The following TECR variants were observed in gnomAD, a reference collection of about 807,000 sequenced individuals.
TECR encodes trans-2,3-enoyl-CoA reductase, also known as very-long-chain enoyl-CoA reductase.
TECR carries 19 observed loss-of-function variants against 50.6 expected under a neutral mutation model. The observed-to-expected ratio is 0.38, with a 90% CI of 0.26 to 0.55. The LOEUF (loss-of-function observed/expected upper bound fraction) is 0.55. TECR is among the 20% of genes least tolerant of loss of function. The pLI, the probability that TECR is intolerant of heterozygous loss-of-function variation, is 0.79. For missense variants in TECR, 313 were observed against 408.3 expected, an observed-to-expected ratio of 0.77 and a Z score of 2.01; for synonymous variants, 168 against 163.5, an observed-to-expected ratio of 1.03 and a Z score of -0.21.
intron 1 of TECR, among the ~76,000 whole-genome samples, chr19:14,535,723 T>G: frequency 7.9e-6 from 1 of 126,970 alleles, no homozygotes. Flanking sequence ...ACCACTGCAT[T>G]CCGGTCCTGG....
chr19:14,545,566 G>C (rs777511492), intron 1 of TECR, among the ~76,000 whole-genome samples: 1 of 152,172 alleles, frequency 6.6e-6, no homozygotes, highest in Non-Finnish European at 1.5e-5. Context: ...CCCTTGGATC[G>C]CTGCCCGCAC....
At chr19:14,529,975 T>C in intron 1 of TECR, 3 of 563,114 alleles carry the variant, frequency 5.3e-6, no homozygotes, top group South Asian at 2.0e-5. Flanking sequence ...CGCTTGCAGG[T>C]TCCTTGCAGC....
intron 1 of TECR, among the ~76,000 whole-genome samples, chr19:14,535,558 A>ATATATATATATG (rs2072856548): frequency 5.9e-5 from 1 of 17,092 alleles, no homozygotes; most frequent in Admixed American, 8.3e-4. Flanking sequence ...ATATATATAT[A>ATATATATATATG]TATATATATA....
intron 1 of TECR, among the ~76,000 whole-genome samples, chr19:14,558,637 C>A (rs904787516): frequency 3.9e-5 from 6 of 152,198 alleles, no homozygotes; most frequent in African/African-American, 1.4e-4. Flanking sequence ...CCTGCCCTCT[C>A]CCTGCCCGTC....
chr19:14,542,347 G>GGGTTTT (rs2073124658), intron 1 of TECR, among the ~76,000 whole-genome samples: 3 of 43,282 alleles, frequency 6.9e-5, no homozygotes, highest in African/African-American at 2.4e-4. Context: ...ATGCCATAGT[G>GGGTTTT]TTTTTTTTTT....
At position 14,564,303 on chromosome 19, in the gene TECR, CGCCTCACCCCTAAGCCCCGCCTTTCT is replaced by C. The variant is rs767283814; in HGVS notation, c.489+20_489+45del. 3.8e-6 allele frequency: 6 copies of C among 1,587,544 alleles called. No homozygotes were observed. The highest frequency in any genetic ancestry group is 5.1e-6 in the Non-Finnish European group (6 of 1,169,374). On this transcript the variant is annotated intron_variant, in intron 7 of 12. Transcript: ENST00000215567. Reference sequence around the variant, plus strand: ...CATCTTCAAGGTGAGAGCCCGTCCCCGCCTCACCCCTAAGCCCCGCCTTTCTGCCCCACCCCGCCCCGCCCCCACCG... The same window carrying C: ...CATCTTCAAGGTGAGAGCCCGTCCCCGCCCCACCCCGCCCCGCCCCCACCG...
chr19:14,533,837 G>A (rs2146552876), intron 1 of TECR: 1 of 152,294 alleles, frequency 6.6e-6, no homozygotes, highest in Non-Finnish European at 1.5e-5. Context: ...GCATTGTCTT[G>A]GGGTCAGAGC....
intron 1 of TECR, among the ~76,000 whole-genome samples, chr19:14,536,165 G>A (rs1196427508): frequency 1.3e-5 from 2 of 152,142 alleles, no homozygotes; most frequent in Non-Finnish European, 1.5e-5. Context: ...TCCTGGGAAG[G>A]TGGCAATGCT....
intron 1 of TECR, among the ~76,000 whole-genome samples, chr19:14,558,908 G>A (rs994139687): frequency 6.6e-6 from 1 of 152,246 alleles, no homozygotes. Context: ...CTGTTCAGCA[G>A]CTGCCTGTAC....
chr19:14,533,732 C>T (rs2072759031), intron 1 of TECR, among the ~76,000 whole-genome samples: 1 of 152,140 alleles, frequency 6.6e-6, no homozygotes, highest in Admixed American at 6.5e-5. Flanking sequence ...AAGTTTTCCA[C>T]TCTGTGGCCT....
At chr19:14,562,432 A>C in intron 1 of TECR, 93 bp from the exon 2 acceptor site, 1 of 1,438,096 alleles carries the variant, frequency 7.0e-7, no homozygotes, top group Non-Finnish European at 9.8e-7. Context: ...CCGGGAGGCC[A>C]CCCCAGGCCT....
chr19:14,551,110 C>T (rs1287130622), intron 1 of TECR, among the ~76,000 whole-genome samples: 4 of 151,380 alleles, frequency 2.6e-5, no homozygotes, highest in African/African-American at 9.7e-5. Flanking sequence ...CTTGCTTTGT[C>T]ACCCAGGCTG....
At chr19:14,545,553 C>T (rs1034635903) in intron 1 of TECR, among the ~76,000 whole-genome samples, 9 of 152,192 alleles carry the variant, frequency 5.9e-5, no homozygotes, top group Non-Finnish European at 1.0e-4. Flanking sequence ...TGTCATATCC[C>T]GGCCCTTGGA....
chr19:14,545,508 G>T (rs565050085), intron 1 of TECR, among the ~76,000 whole-genome samples: 1 of 152,280 alleles, frequency 6.6e-6, no homozygotes, highest in East Asian at 1.9e-4. Flanking sequence ...CAAGCCTAGG[G>T]GGTGGGGGGG....
chr19:14,529,404 C>G (rs1004286863), upstream of TECR: 4 of 582,346 alleles, frequency 6.9e-6, no homozygotes, highest in East Asian at 2.9e-5. Flanking sequence ...AGCCCCTTCT[C>G]TTTAGCCCCT....
At chr19:14,529,915 C>G (rs1470362373) in intron 1 of TECR, 2 of 737,188 alleles carry the variant, frequency 2.7e-6, no homozygotes, top group South Asian at 3.5e-5. Flanking sequence ...ATCTGCAACC[C>G]AGGCTGTTTT....
At chr19:14,551,852 C>G (rs1450924224) in intron 1 of TECR, among the ~76,000 whole-genome samples, 1 of 150,654 alleles carries the variant, frequency 6.6e-6, no homozygotes, top group Non-Finnish European at 1.5e-5. Context: ...TTGGTTTTAC[C>G]CTTATTTCTT....
intron 1 of TECR, among the ~76,000 whole-genome samples, chr19:14,557,979 TCTC>T (rs1179583454): frequency 6.6e-6 from 1 of 151,726 alleles, no homozygotes; most frequent in Non-Finnish European, 1.5e-5. Context: ...ATGGTCTCGA[TCTC>T]CTGACCTCGT....
chr19:14,548,863 C>T (rs1351370928), intron 1 of TECR, among the ~76,000 whole-genome samples: 1 of 152,096 alleles, frequency 6.6e-6, no homozygotes, highest in Non-Finnish European at 1.5e-5. Context: ...GCGGGAGCCA[C>T]CGCATCCAAC....
Sources: allele counts gnomAD v4.1 joint callset (sites outside exome capture counted in the v4.1 genomes callset), GRCh38; gene constraint gnomAD v4.1.1; transcripts MANE v1.5; gene names NCBI Gene and HGNC (gene_info 2026-07-23, HGNC 2026-07-21).